SLC24A3: variants seen among roughly 807,000 people sequenced by gnomAD.
SLC24A3 encodes sodium/potassium/calcium exchanger 3.
A neutral mutation model predicts 75.8 loss-of-function variants in SLC24A3; 28 were observed. That is an observed-to-expected ratio of 0.37 (90% confidence interval 0.27 to 0.51). The LOEUF is 0.51. Among genes scored for constraint, SLC24A3 ranks in the 20% least tolerant of loss-of-function variants. The pLI is 0.94. For synonymous variants in SLC24A3, 372 were observed against 334.1 expected, an observed-to-expected ratio of 1.11 and a Z score of -1.24; for missense variants, 663 against 847.8, an observed-to-expected ratio of 0.78 and a Z score of 2.71.
intron 1 of SLC24A3, among the ~76,000 whole-genome samples, chr20:19,225,835 T>C (rs1162662266): frequency 3.0e-4 from 45 of 152,246 alleles, no homozygotes; most frequent in Admixed American, 2.9e-3. Context: ...GTCCATTTAA[T>C]GTTGAAGAAC....
intron 6 of SLC24A3, among the ~76,000 whole-genome samples, chr20:19,614,873 A>T (rs2031716410): frequency 6.6e-6 from 1 of 152,216 alleles, no homozygotes; most frequent in Non-Finnish European, 1.5e-5. Flanking sequence ...CCACTGGGTT[A>T]GCGTTTAACA....
At chr20:19,325,683 T>G (rs1395985818) in intron 2 of SLC24A3, among the ~76,000 whole-genome samples, 2 of 146,714 alleles carry the variant, frequency 1.4e-5, no homozygotes, top group Non-Finnish European at 3.1e-5. Context: ...GATTTTTTTG[T>G]TTTTTTGTTT....
At chr20:19,314,043 G>A (rs1022689912) in intron 2 of SLC24A3, among the ~76,000 whole-genome samples, 3 of 152,022 alleles carry the variant, frequency 2.0e-5, no homozygotes, top group African/African-American at 4.8e-5. Flanking sequence ...TTCACAGACC[G>A]GTCACTGTGG....
chr20:19,710,640 A>G (rs2032977661), intron 15 of SLC24A3, among the ~76,000 whole-genome samples: 1 of 152,182 alleles, frequency 6.6e-6, no homozygotes, highest in Non-Finnish European at 1.5e-5. Flanking sequence ...GAGGAGGGAG[A>G]TGATCTAGTT....
intron 2 of SLC24A3, among the ~76,000 whole-genome samples, chr20:19,417,654 C>A (rs1986850590): frequency 1.3e-5 from 2 of 152,190 alleles, no homozygotes; most frequent in Admixed American, 6.5e-5. Flanking sequence ...TTATTAGGAA[C>A]AATTACGTAA....
intron 15 of SLC24A3, among the ~76,000 whole-genome samples, chr20:19,710,479 T>G: frequency 6.6e-6 from 1 of 152,228 alleles, no homozygotes; most frequent in East Asian, 1.9e-4. Flanking sequence ...AATTAGAGAA[T>G]GAAAATGCAT....
At chr20:19,239,529 C>T (rs563813823) in intron 1 of SLC24A3, among the ~76,000 whole-genome samples, 1 of 152,296 alleles carries the variant, frequency 6.6e-6, no homozygotes, top group Admixed American at 6.5e-5. Flanking sequence ...GGTGCTTCTT[C>T]GGGACATTTG....
At chr20:19,262,199 C>T (rs924659862) in intron 1 of SLC24A3, among the ~76,000 whole-genome samples, 7 of 151,540 alleles carry the variant, frequency 4.6e-5, no homozygotes, top group Non-Finnish European at 7.4e-5. Flanking sequence ...GTCAGGAGAT[C>T]GAGACCATCC....
chr20:19,347,797 G>A (rs770095925), intron 2 of SLC24A3, among the ~76,000 whole-genome samples: 8 of 152,174 alleles, frequency 5.3e-5, no homozygotes, highest in Non-Finnish European at 1.2e-4. Flanking sequence ...CCTCCAGCCC[G>A]TTTCTGAGAA....
intron 7 of SLC24A3, among the ~76,000 whole-genome samples, chr20:19,664,447 GC>G (rs2032374552): frequency 1.3e-5 from 2 of 152,200 alleles, no homozygotes; most frequent in Admixed American, 1.3e-4. Context: ...ATTTCCAATG[GC>G]TTGTTGGGAA....
At chr20:19,434,713 T>C (rs1987166782) in intron 2 of SLC24A3, among the ~76,000 whole-genome samples, 1 of 152,112 alleles carries the variant, frequency 6.6e-6, no homozygotes, top group Non-Finnish European at 1.5e-5. Flanking sequence ...AAAGGGATTT[T>C]ACAGTCTTAC....
chr20:19,354,943 A>G (rs573411088), intron 2 of SLC24A3, among the ~76,000 whole-genome samples: 2 of 152,212 alleles, frequency 1.3e-5, no homozygotes, highest in African/African-American at 4.8e-5. Context: ...CAAGGTACAG[A>G]AACTTCAAGC....
intron 6 of SLC24A3, among the ~76,000 whole-genome samples, chr20:19,635,245 A>T (rs1439068283): frequency 6.6e-6 from 1 of 152,232 alleles, no homozygotes; most frequent in Non-Finnish European, 1.5e-5. Flanking sequence ...AGAGTTTTTA[A>T]TGAATTTCTA....
At chr20:19,475,200 G>T (rs1040973817) in intron 2 of SLC24A3, among the ~76,000 whole-genome samples, 2 of 152,056 alleles carry the variant, frequency 1.3e-5, no homozygotes, top group Non-Finnish European at 2.9e-5. Context: ...TTAGCCGGGC[G>T]TGGTGGCGGT....
chr20:19,678,539 G>C (rs1375994598), intron 9 of SLC24A3, among the ~76,000 whole-genome samples: 33 of 141,742 alleles, frequency 2.3e-4, no homozygotes, highest in Admixed American at 2.1e-3. Context: ...CCTCCCGGAC[G>C]GGGCGGCTGG....
chr20:19,458,942 T>C (rs1200276309), intron 2 of SLC24A3, among the ~76,000 whole-genome samples: 1 of 152,200 alleles, frequency 6.6e-6, no homozygotes, highest in Non-Finnish European at 1.5e-5. Context: ...CTTGAGAACT[T>C]AGGACTGGTT....
intron 6 of SLC24A3, among the ~76,000 whole-genome samples, chr20:19,593,959 C>T (rs2031417095): frequency 6.6e-6 from 1 of 152,188 alleles, no homozygotes; most frequent in Non-Finnish European, 1.5e-5. Flanking sequence ...ACAACAGCTG[C>T]CGGGTGGGCC....
intron 2 of SLC24A3, among the ~76,000 whole-genome samples, chr20:19,428,452 A>G (rs1229804215): frequency 6.6e-6 from 1 of 152,242 alleles, no homozygotes; most frequent in East Asian, 1.9e-4. Flanking sequence ...AAGGGCTGCG[A>G]AATTCTAAAA....
In SLC24A3 at chr20:19,216,145, T is replaced by C. The variant is rs552271552; in HGVS notation, c.142+3161T>C. ...GTTGTTATGGATGAAGATCTCATTT[T>C]TGATCTCTGTTTTCAAAGCCAATTA... On this transcript the variant is annotated intron_variant, in intron 1 of 16. Coordinates refer to ENST00000328041, the MANE Select transcript of SLC24A3 (RefSeq NM_020689.4). 3.3e-5 allele frequency among the ~76,000 whole-genome samples: 5 copies of C among 152,364 alleles called. No homozygotes were observed. The East Asian group carries it at 9.6e-4, about 29-fold the overall frequency.
Sources: gnomAD v4.1 joint callset for allele counts (sites outside exome capture counted in the v4.1 genomes callset) on GRCh38, gnomAD v4.1.1 for gene constraint, MANE v1.5 for transcripts, NCBI Gene and HGNC (gene_info 2026-07-23, HGNC 2026-07-21) for gene names.